The following RCAN2 variants were observed in gnomAD, a reference collection of about 807,000 sequenced individuals.
RCAN2 encodes regulator of calcineurin 2.
In RCAN2, 9 loss-of-function variants were observed where a neutral mutation model predicts 23.6. That is an observed-to-expected ratio of 0.38 (90% CI 0.23 to 0.67). RCAN2 has a LOEUF of 0.67. Among genes scored for constraint, RCAN2 ranks in the 30% least tolerant of loss-of-function variants. The pLI is 0.51. For synonymous variants in RCAN2, 109 were observed against 115.7 expected (o/e 0.94, Z 0.37); for missense variants, 273 against 302.3 (o/e 0.90, Z 0.72).
intron 2 of RCAN2, among the ~76,000 whole-genome samples, chr6:46,430,042 C>T (rs1217121168): frequency 6.6e-6 from 1 of 152,122 alleles, no homozygotes; most frequent in Non-Finnish European, 1.5e-5. Flanking sequence ...GACCTTCATC[C>T]TGAAAGGAAT....
intron 2 of RCAN2, among the ~76,000 whole-genome samples, chr6:46,258,265 G>C (rs1339226557): frequency 6.6e-6 from 1 of 152,182 alleles, no homozygotes; most frequent in Admixed American, 6.5e-5. Context: ...GGACCTCCTG[G>C]ACAGGATGCA....
intron 2 of RCAN2, among the ~76,000 whole-genome samples, chr6:46,319,909 T>C (rs1582100553): frequency 6.6e-6 from 1 of 152,188 alleles, no homozygotes; most frequent in Non-Finnish European, 1.5e-5. Context: ...TGCCTTTTGT[T>C]CTTCATAAAC....
intron 2 of RCAN2, among the ~76,000 whole-genome samples, chr6:46,429,322 A>G (rs1479790397): frequency 6.6e-6 from 1 of 152,178 alleles, no homozygotes; most frequent in Admixed American, 6.6e-5. Context: ...AGGCATTTTA[A>G]CTCGAAGCCA....
At chr6:46,487,555 T>C (rs1417719587) in intron 1 of RCAN2, among the ~76,000 whole-genome samples, 1 of 152,240 alleles carries the variant, frequency 6.6e-6, no homozygotes, top group African/African-American at 2.4e-5. Flanking sequence ...TTTATAGTAC[T>C]GCTTCAATCC....
In RCAN2 at chr6:46,439,922, C is replaced by T. The variant is rs531431525; in HGVS notation, c.225+16830G>A. 8.9e-4 allele frequency among the ~76,000 whole-genome samples: 135 copies of T among 152,312 alleles called. 1 individual carries two copies. Among genetic ancestry groups the T allele is most frequent in the African/African-American group, 3.0e-3 (123 of 41,580 alleles). The stretch of plus-strand genomic sequence containing the variant: ...AGTGAAACGACTTTCCTTTCATGTG[C>T]CCCTTGCAAAGTCGTGAACTTAAGC... On this transcript the variant is annotated intron_variant, in intron 2 of 4. Coordinates refer to ENST00000371374, the MANE Select transcript of RCAN2 (RefSeq NM_001251974.2).
chr6:46,381,262 G>A (rs1243062137), intron 2 of RCAN2, among the ~76,000 whole-genome samples: 1 of 152,146 alleles, frequency 6.6e-6, no homozygotes, highest in Non-Finnish European at 1.5e-5. Context: ...ATCCAGGGAG[G>A]CAGATAATAC....
intron 2 of RCAN2, among the ~76,000 whole-genome samples, chr6:46,254,767 A>G (rs1375563004): frequency 6.6e-6 from 1 of 152,158 alleles, no homozygotes; most frequent in Non-Finnish European, 1.5e-5. Flanking sequence ...CAAAGATGTA[A>G]TTAGTTAAAA....
intron 2 of RCAN2, among the ~76,000 whole-genome samples, chr6:46,408,166 G>A (rs1561893523): frequency 6.6e-6 from 1 of 152,182 alleles, no homozygotes; most frequent in Non-Finnish European, 1.5e-5. Flanking sequence ...CAAGGAGAGA[G>A]CCTTTTAAAG....
Position 46,479,736 on chromosome 6 carries a change from C to T in RCAN2, c.-3+11437G>A, listed in dbSNP as rs1242618918. Among the ~76,000 whole-genome samples the T allele has an allele frequency of 2.6e-5, 4 of 152,150 alleles. No homozygotes were observed. In the East Asian group the frequency reaches 7.7e-4, roughly 29 times the overall value. ...TAGCTGGGACTACAGGCACTCACCT[C>T]CATGCCTGGCTAATTTTTGTATTTT... On this transcript the variant is annotated intron_variant, in intron 1 of 4. Transcript: ENST00000371374.
intron 2 of RCAN2, among the ~76,000 whole-genome samples, chr6:46,431,084 G>A (rs1470029587): frequency 2.0e-5 from 3 of 152,008 alleles, no homozygotes; most frequent in South Asian, 2.1e-4. Context: ...ACAGCTAAAC[G>A]ATTTCTTCCT....
intron 2 of RCAN2, among the ~76,000 whole-genome samples, chr6:46,305,751 G>A (rs1763043677): frequency 6.6e-6 from 1 of 151,968 alleles, no homozygotes; most frequent in Non-Finnish European, 1.5e-5. Flanking sequence ...GACAGCTGCT[G>A]GAGGGGGACC....
chr6:46,442,916 A>C (rs1767594714), intron 2 of RCAN2, among the ~76,000 whole-genome samples: 1 of 152,182 alleles, frequency 6.6e-6, no homozygotes, highest in Admixed American at 6.5e-5. Flanking sequence ...GGTTTCATAA[A>C]ATGTCCTACA....
rs559065512 is a variant in RCAN2 at position 46,451,272 on chromosome 6, G to A, written c.225+5480C>T. Among the ~76,000 whole-genome samples the A allele has an allele frequency of 2.0e-5, 3 of 152,222 alleles. No individual in the cohort carries two copies. In the South Asian group the frequency reaches 6.2e-4, roughly 32 times the overall value. On this transcript the variant is annotated intron_variant, in intron 2 of 4. Transcript: ENST00000371374. Reference sequence around the variant, plus strand: ...ATATGTTTGGCATTCTGAATTGGGGGATTTGGATGTGTAATACTGGGCACA... The same window carrying A: ...ATATGTTTGGCATTCTGAATTGGGGAATTTGGATGTGTAATACTGGGCACA...
At chr6:46,295,665 G>C (rs926690232) in intron 2 of RCAN2, among the ~76,000 whole-genome samples, 5 of 152,058 alleles carry the variant, frequency 3.3e-5, no homozygotes, top group African/African-American at 1.2e-4. Context: ...ACTATTTAAA[G>C]ACCCTGAACA....
chr6:46,434,920 G>T (rs751972189), intron 2 of RCAN2, among the ~76,000 whole-genome samples: 3 of 152,168 alleles, frequency 2.0e-5, no homozygotes, highest in Non-Finnish European at 2.9e-5. Flanking sequence ...AGTCAGAAAC[G>T]TCAGTAATTC....
chr6:46,295,101 AGGAGTGG>A (rs1040469654), intron 2 of RCAN2, among the ~76,000 whole-genome samples: 2 of 152,108 alleles, frequency 1.3e-5, no homozygotes, highest in African/African-American at 4.8e-5. Flanking sequence ...AGGAGGAAGG[AGGAGTGG>A]GGTGACTTGC....
chr6:46,293,069 GT>G (rs1246751635), intron 2 of RCAN2, among the ~76,000 whole-genome samples: 1 of 152,082 alleles, frequency 6.6e-6, no homozygotes, highest in African/African-American at 2.4e-5. Flanking sequence ...TTTTTTAATG[GT>G]TGTATAGTAT....
chr6:46,468,540 T>A (rs1582227329), intron 1 of RCAN2, among the ~76,000 whole-genome samples: 1 of 152,214 alleles, frequency 6.6e-6, no homozygotes, highest in Non-Finnish European at 1.5e-5. Context: ...GCCCAGCTTC[T>A]CCTTTCTGTC....
chr6:46,431,811 A>G (rs868247458), intron 2 of RCAN2, among the ~76,000 whole-genome samples: 25 of 152,240 alleles, frequency 1.6e-4, no homozygotes, highest in African/African-American at 5.1e-4. Flanking sequence ...ACGATTAACA[A>G]TCTGATTAGG....
Sources: gnomAD v4.1 joint callset for allele counts (sites outside exome capture counted in the v4.1 genomes callset) on GRCh38, gnomAD v4.1.1 for gene constraint, MANE v1.5 for transcripts, NCBI Gene and HGNC (gene_info 2026-07-23, HGNC 2026-07-21) for gene names.